Variants in MAF observed in about 807,000 individuals in gnomAD.
MAF encodes the protein MAF bZIP transcription factor.
In MAF, 10 loss-of-function variants were observed where a neutral mutation model predicts 22.0. That is an observed-to-expected ratio of 0.45 (90% CI 0.28 to 0.77). MAF has a LOEUF of 0.77. MAF is among the 30% of genes least tolerant of loss of function. The probability of loss-of-function intolerance (pLI) is 0.12; values close to 1 mark genes in which losing one functional copy is unlikely to be tolerated. For missense variants in MAF, 544 were observed against 548.4 expected (o/e 0.99, Z 0.08); for synonymous variants, 337 against 255.8 (o/e 1.32, Z -3.03).
chr16:79,336,969 T>G, the MAF span, among the ~76,000 whole-genome samples: 2 of 152,184 alleles, frequency 1.3e-5, no homozygotes, highest in African/African-American at 2.4e-5. Context: ...AATAAACATT[T>G]CAGACACTTG....
At chr16:79,397,253 T>A in the MAF span, among the ~76,000 whole-genome samples, 3 of 152,224 alleles carry the variant, frequency 2.0e-5, no homozygotes, top group African/African-American at 7.2e-5. Flanking sequence ...GTCTTTACCG[T>A]GGTTTTCTTG....
the MAF span, among the ~76,000 whole-genome samples, chr16:79,548,591 T>G: frequency 2.0e-5 from 3 of 152,206 alleles, no homozygotes; most frequent in Non-Finnish European, 4.4e-5. Flanking sequence ...ATAGATGGCA[T>G]TGATGATGAA....
the MAF span, among the ~76,000 whole-genome samples, chr16:79,216,638 C>T: frequency 6.6e-6 from 1 of 152,076 alleles, no homozygotes; most frequent in Non-Finnish European, 1.5e-5. Context: ...GTAGGCTGGG[C>T]TATGCTATGA....
the MAF span, among the ~76,000 whole-genome samples, chr16:79,392,093 G>A: frequency 6.7e-6 from 1 of 149,778 alleles, no homozygotes; most frequent in African/African-American, 2.5e-5. Context: ...AGAAAGAAAA[G>A]AGAAAGAAGG....
chr16:79,274,432 C>T, the MAF span, among the ~76,000 whole-genome samples: 22 of 152,234 alleles, frequency 1.4e-4, no homozygotes, highest in African/African-American at 5.3e-4. Context: ...TGCATTTTAA[C>T]AAGCTCCCCA....
chr16:79,435,828 A>G, the MAF span, among the ~76,000 whole-genome samples: 4 of 152,218 alleles, frequency 2.6e-5, no homozygotes, highest in South Asian at 8.3e-4. Context: ...ATGAACTTGA[A>G]CTCGAACAAA....
At chr16:79,431,763 C>A in the MAF span, among the ~76,000 whole-genome samples, 158 of 152,280 alleles carry the variant, frequency 1.0e-3, 1 homozygote, top group Middle Eastern at 0.017. Flanking sequence ...CTTTTCTGCA[C>A]AGAGAAACAT....
At chr16:79,360,018 G>C in the MAF span, among the ~76,000 whole-genome samples, 1 of 152,146 alleles carries the variant, frequency 6.6e-6, no homozygotes, top group Non-Finnish European at 1.5e-5. Context: ...GAAGAACCTG[G>C]AGCAATTGGG....
the MAF span, among the ~76,000 whole-genome samples, chr16:79,288,217 G>T: frequency 1.3e-5 from 2 of 152,126 alleles, no homozygotes; most frequent in African/African-American, 4.8e-5. Context: ...CCATCAAGAG[G>T]TGGGGTGTGT....
At chr16:79,424,912 A>T in the MAF span, among the ~76,000 whole-genome samples, 3 of 152,332 alleles carry the variant, frequency 2.0e-5, no homozygotes, top group African/African-American at 7.2e-5. Context: ...AAGAATATAG[A>T]TGAACACAGG....
intron 1 of MAF, among the ~76,000 whole-genome samples, chr16:79,587,425 T>C (rs1249430348): frequency 5.6e-5 from 8 of 142,764 alleles, no homozygotes; most frequent in African/African-American, 2.0e-4. Context: ...CCCGATAGGA[T>C]TACTTTTTTT....
chr16:79,401,095 C>G, the MAF span, among the ~76,000 whole-genome samples: 53 of 152,276 alleles, frequency 3.5e-4, no homozygotes, highest in African/African-American at 1.3e-3. Flanking sequence ...GAACCTTGCC[C>G]CTCACCATCT....
At chr16:79,209,210 G>A in the MAF span, among the ~76,000 whole-genome samples, 5 of 152,338 alleles carry the variant, frequency 3.3e-5, no homozygotes, top group East Asian at 3.9e-4. Flanking sequence ...AATGAAGCCA[G>A]TTGTAATTGC....
At chr16:79,258,308 C>T in the MAF span, among the ~76,000 whole-genome samples, 78 of 152,292 alleles carry the variant, frequency 5.1e-4, 1 homozygote, top group African/African-American at 1.8e-3. Context: ...GGAGCCAGCC[C>T]AGCAGAGTGG....
the MAF span, among the ~76,000 whole-genome samples, chr16:79,552,976 G>A: frequency 2.0e-5 from 3 of 152,198 alleles, no homozygotes; most frequent in Non-Finnish European, 4.4e-5. Flanking sequence ...CTTCCCTGAG[G>A]TAAAATTGAA....
chr16:79,480,054 T>C, the MAF span, among the ~76,000 whole-genome samples: 4 of 152,154 alleles, frequency 2.6e-5, no homozygotes, highest in Non-Finnish European at 2.9e-5. Flanking sequence ...CTCCCTTAGG[T>C]CAAGCTCCAG....
At chr16:79,344,199 G>A in the MAF span, among the ~76,000 whole-genome samples, 1 of 152,156 alleles carries the variant, frequency 6.6e-6, no homozygotes, top group African/African-American at 2.4e-5. Context: ...CTGCTCAACA[G>A]CCCAGGAGTT....
At chr16:79,367,649 C>A in the MAF span, among the ~76,000 whole-genome samples, 41 of 152,268 alleles carry the variant, frequency 2.7e-4, no homozygotes, top group African/African-American at 9.9e-4. Context: ...CATGTGACTA[C>A]TGAGCACTGG....
chr16:79,491,829 C>T, the MAF span, among the ~76,000 whole-genome samples: 1 of 152,120 alleles, frequency 6.6e-6, no homozygotes. Context: ...GAATCTCTTC[C>T]TCTTAAAGAA....
Sources: gnomAD v4.1 joint callset for allele counts (sites outside exome capture counted in the v4.1 genomes callset) on GRCh38, gnomAD v4.1.1 for gene constraint, MANE v1.5 for transcripts, NCBI Gene and HGNC (gene_info 2026-07-23, HGNC 2026-07-21) for gene names.